APBA2: variants seen among roughly 807,000 people sequenced by gnomAD.
APBA2 encodes the protein amyloid beta precursor protein binding family A member 2.
Under a neutral mutation model 75.0 loss-of-function variants are expected in APBA2, and 30 were observed. The observed-to-expected ratio is 0.40, with a 90% CI of 0.30 to 0.54. The LOEUF (loss-of-function observed/expected upper bound fraction) is 0.54. Among genes scored for constraint, APBA2 ranks in the 20% least tolerant of loss-of-function variants. The pLI is 0.49. For synonymous variants in APBA2, 444 were observed against 409.6 expected (o/e 1.08, Z -1.01); for missense variants, 801 against 1,016.1 (o/e 0.79, Z 2.88).
At chr15:29,104,411 C>T (rs547582535) in intron 10 of APBA2, among the ~76,000 whole-genome samples, 18 of 152,350 alleles carry the variant, frequency 1.2e-4, no homozygotes, top group Admixed American at 1.0e-3. Context: ...TTGGCGAGCT[C>T]CGGGAGCTCA....
intron 3 of APBA2, among the ~76,000 whole-genome samples, chr15:29,048,578 G>A (rs1191359879): frequency 6.6e-6 from 1 of 152,136 alleles, no homozygotes; most frequent in Non-Finnish European, 1.5e-5. Flanking sequence ...TGGTACTGTT[G>A]CTGGGCAGAT....
At chr15:29,049,707 T>G (rs2041506789) in intron 3 of APBA2, among the ~76,000 whole-genome samples, 1 of 152,164 alleles carries the variant, frequency 6.6e-6, no homozygotes, top group Non-Finnish European at 1.5e-5. Flanking sequence ...CACCAGTCGC[T>G]GAAAGACATG....
intron 3 of APBA2, among the ~76,000 whole-genome samples, chr15:29,015,605 T>C (rs2039618863): frequency 6.6e-6 from 1 of 152,178 alleles, no homozygotes; most frequent in African/African-American, 2.4e-5. Context: ...GAAAAATCAT[T>C]GTTAGTTGAG....
At chr15:28,945,729 G>A (rs1054957824) in intron 2 of APBA2, among the ~76,000 whole-genome samples, 2 of 152,024 alleles carry the variant, frequency 1.3e-5, no homozygotes, top group African/African-American at 4.8e-5. Context: ...TGTTAGCCAG[G>A]CTGGTAACTC....
intron 14 of APBA2, among the ~76,000 whole-genome samples, chr15:29,115,985 C>T (rs1306580105): frequency 6.6e-6 from 1 of 152,212 alleles, no homozygotes; most frequent in African/African-American, 2.4e-5. Context: ...ATCCGGAGGC[C>T]GCAGCCTAGC....
chr15:28,932,564 G>A (rs142470684), intron 2 of APBA2, among the ~76,000 whole-genome samples: 102 of 152,336 alleles, frequency 6.7e-4, no homozygotes, highest in South Asian at 4.8e-3. Flanking sequence ...CCTGTGGCAG[G>A]ACAGCCAGGG....
intron 4 of APBA2, among the ~76,000 whole-genome samples, chr15:29,060,041 A>C (rs1038302200): frequency 6.6e-6 from 1 of 152,160 alleles, no homozygotes; most frequent in Non-Finnish European, 1.5e-5. Flanking sequence ...AAGGACCCGT[A>C]CACATGAACT....
chr15:28,984,916 TC>T, intron 2 of APBA2, among the ~76,000 whole-genome samples: 1 of 148,100 alleles, frequency 6.8e-6, no homozygotes, highest in African/African-American at 2.5e-5. Context: ...GGAGCTGCTC[TC>T]TCTCTCTCTC....
At chr15:29,067,439 C>G (rs1190062481) in intron 4 of APBA2, among the ~76,000 whole-genome samples, 1 of 152,058 alleles carries the variant, frequency 6.6e-6, no homozygotes, top group East Asian at 1.9e-4. Context: ...GGAGGACATT[C>G]AAGACCAAAA....
In APBA2 at chr15:29,104,505, C is replaced by G. The variant is rs111662648; in HGVS notation, c.1525-874C>G. 8.7e-3 allele frequency among the ~76,000 whole-genome samples: 1,320 copies of G among 152,348 alleles called. 18 individuals are homozygous for G. Among genetic ancestry groups the G allele is most frequent in the African/African-American group, 0.03 (1,252 of 41,578 alleles). On this transcript the variant is annotated intron_variant, in intron 10 of 14. Coordinates refer to ENST00000683413, the MANE Select transcript of APBA2 (RefSeq NM_001353788.2). ...CCTGAGTGCTGTTTCAGTGTCCAGG[C>G]CTTTGCCATGTCAGAGTCGGTGATG...
intron 3 of APBA2, among the ~76,000 whole-genome samples, chr15:29,036,548 C>A (rs1205100397): frequency 6.6e-6 from 1 of 152,146 alleles, no homozygotes; most frequent in Admixed American, 6.5e-5. Flanking sequence ...GATATGGGGC[C>A]TCCCCACTGG....
chr15:28,993,383 T>C (rs1481902085), intron 2 of APBA2, among the ~76,000 whole-genome samples: 1 of 152,082 alleles, frequency 6.6e-6, no homozygotes, highest in Non-Finnish European at 1.5e-5. Context: ...CTGCAGAAAA[T>C]GAAAAGTGGT....
At position 29,070,274 on chromosome 15, in the gene APBA2, T is replaced by C. The variant is rs536555403; in HGVS notation, c.952-4647T>C. Among the ~76,000 whole-genome samples, 3 of 152,270 alleles carry C rather than the reference T, an allele frequency of 2.0e-5. No homozygotes were observed. The East Asian group carries it at 5.8e-4, about 29-fold the overall frequency. On this transcript the variant is annotated intron_variant, in intron 4 of 14. Coordinates refer to ENST00000683413, the MANE Select transcript of APBA2 (RefSeq NM_001353788.2). ...TTACCATAATAAGCAATTGAAAAAA[T>C]AAGTTGTATTTCAGGTAGATAGCGA...
At chr15:28,983,966 T>TGCCCC (rs1320080659) in intron 2 of APBA2, among the ~76,000 whole-genome samples, 2 of 152,180 alleles carry the variant, frequency 1.3e-5, no homozygotes, top group Non-Finnish European at 2.9e-5. Context: ...TGCCCTGCCC[T>TGCCCC]GCCCCAGGAA....
At chr15:29,097,383 A>G (rs1001037136) in intron 8 of APBA2, among the ~76,000 whole-genome samples, 3 of 152,200 alleles carry the variant, frequency 2.0e-5, no homozygotes, top group African/African-American at 7.2e-5. Flanking sequence ...CCTCCCTCCC[A>G]GGTGCCTCTT....
At chr15:28,903,201 T>G (rs947205306) in intron 1 of APBA2, among the ~76,000 whole-genome samples, 8 of 152,168 alleles carry the variant, frequency 5.3e-5, no homozygotes, top group African/African-American at 1.9e-4. Context: ...ATATGTCCTG[T>G]GATACTTGAT....
At chr15:29,073,497 T>C (rs1233393906) in intron 4 of APBA2, among the ~76,000 whole-genome samples, 1 of 152,102 alleles carries the variant, frequency 6.6e-6, no homozygotes, top group Admixed American at 6.6e-5. Flanking sequence ...ATTACAGGCA[T>C]CCACCACCAT....
At position 28,991,148 on chromosome 15, in the gene APBA2, A is replaced by G. The variant is rs2038207062; in HGVS notation, c.-94-4605A>G. On this transcript the variant is annotated intron_variant, in intron 2 of 14. Coordinates refer to ENST00000683413, the MANE Select transcript of APBA2 (RefSeq NM_001353788.2). The surrounding 1 kb of genome is among the most constrained non-coding windows in gnomAD (Gnocchi z 4.7). Reference sequence around the variant, plus strand: ...TTTAAACATTTTACTTGTAAAGAGCACTTTGGTATCCACCCCAAGGGCCCT... The same window carrying G: ...TTTAAACATTTTACTTGTAAAGAGCGCTTTGGTATCCACCCCAAGGGCCCT... Among the ~76,000 whole-genome samples, 1 of 152,168 alleles carries G rather than the reference A, an allele frequency of 6.6e-6. No individual in the cohort carries two copies. The highest frequency in any genetic ancestry group is 2.1e-4 in the South Asian group (1 of 4,818).
At chr15:28,947,461 G>T (rs1479126679) in intron 2 of APBA2, among the ~76,000 whole-genome samples, 3 of 152,320 alleles carry the variant, frequency 2.0e-5, no homozygotes, top group African/African-American at 7.2e-5. Context: ...GCCATCACCT[G>T]TCCTGGCCTG....
Sources: gnomAD v4.1 joint callset for allele counts (sites outside exome capture counted in the v4.1 genomes callset) on GRCh38, gnomAD v4.1.1 for gene constraint, Gnocchi (gnomAD v3.1) non-coding constraint, MANE v1.5 for transcripts, NCBI Gene and HGNC (gene_info 2026-07-23, HGNC 2026-07-21) for gene names.